EEPD1: variants seen among roughly 807,000 people sequenced by gnomAD.
The protein encoded by EEPD1 is endonuclease/exonuclease/phosphatase family domain-containing protein 1.
Under a neutral mutation model 46.3 loss-of-function variants are expected in EEPD1, and 17 were observed. The observed-to-expected ratio is 0.37, with a 90% CI of 0.25 to 0.55. The LOEUF is 0.55. Ranked by LOEUF, EEPD1 falls within the 20% of genes least tolerant of loss-of-function variation. EEPD1 has a pLI of 0.83. For synonymous variants in EEPD1, 313 were observed against 315.6 expected (o/e 0.99, Z 0.09); for missense variants, 673 against 745.6 (o/e 0.90, Z 1.13).
chr7:36,235,648 C>CTGTCAA (rs1786419292), intron 2 of EEPD1, among the ~76,000 whole-genome samples: 1 of 152,244 alleles, frequency 6.6e-6, no homozygotes, highest in Non-Finnish European at 1.5e-5. Context: ...CAGTAGGGCG[C>CTGTCAA]TGTCAATGTT....
chr7:36,237,071 C>A (rs934125644), intron 2 of EEPD1, among the ~76,000 whole-genome samples: 1 of 152,162 alleles, frequency 6.6e-6, no homozygotes, highest in Non-Finnish European at 1.5e-5. Context: ...TCAGGGAGAC[C>A]ACCAACCCAC....
intron 2 of EEPD1, among the ~76,000 whole-genome samples, chr7:36,162,885 T>A (rs1442028651): frequency 6.6e-6 from 1 of 152,176 alleles, no homozygotes; most frequent in Non-Finnish European, 1.5e-5. Context: ...ATTGCCACAT[T>A]TAAGGTTGCA....
rs778899330 is a variant in EEPD1, at chr7:36,225,328, C to T, written c.879-13657C>T. On this transcript the variant is annotated intron_variant, in intron 2 of 7. Transcript: ENST00000242108. The surrounding 1 kb of genome is among the most constrained non-coding windows in gnomAD (Gnocchi z 4.2). The stretch of plus-strand genomic sequence containing the variant: ...AAGAAGAACAAGAGACAGGGTTATA[C>T]ATGTGGAAGATGGAACTGACCACCC... Among the ~76,000 whole-genome samples the T allele has an allele frequency of 5.7e-4, 86 of 152,168 alleles. No homozygotes were observed. The highest frequency in any genetic ancestry group is 1.0e-3 in the Non-Finnish European group (69 of 68,022).
At chr7:36,273,218 C>A (rs1340721761) in intron 3 of EEPD1, among the ~76,000 whole-genome samples, 1 of 152,026 alleles carries the variant, frequency 6.6e-6, no homozygotes, top group Non-Finnish European at 1.5e-5. Context: ...GGCTATGTTA[C>A]CTTTCTGAGC....
chr7:36,165,125 T>A (rs1281400116), intron 2 of EEPD1, among the ~76,000 whole-genome samples: 7 of 152,332 alleles, frequency 4.6e-5, no homozygotes, highest in African/African-American at 1.7e-4. Flanking sequence ...TCCTGGACCT[T>A]CACATTCTTT....
chr7:36,155,766 C>G (rs1362390821), intron 2 of EEPD1, among the ~76,000 whole-genome samples: 1 of 151,986 alleles, frequency 6.6e-6, no homozygotes, highest in Admixed American at 6.6e-5. Context: ...AAATTGTAGC[C>G]CAAAATGTGT....
Position 36,154,067 on chromosome 7 carries a change from G to C in EEPD1, c.-192-66G>C. 1 of 538,308 alleles carries C rather than the reference G, an allele frequency of 1.9e-6. No homozygotes were observed. Among genetic ancestry groups the C allele is most frequent in the Non-Finnish European group, 3.3e-6 (1 of 302,770 alleles). The allele number at this position is 538,308 out of a possible 1,614,324, so 33.3% of individuals were successfully genotyped here. ...CTCCTGGTTACTAACTCTAGCACTA[G>C]GTAGGGGGTGCTAATGCAAATTTCT... is the stretch of plus-strand genomic sequence containing the variant. On this transcript the variant is annotated intron_variant, in intron 1 of 7. Transcript: ENST00000242108. The surrounding 1 kb of genome is among the most constrained non-coding windows in gnomAD (Gnocchi z 4.2).
chr7:36,292,365 T>G (rs1787457885), intron 6 of EEPD1, among the ~76,000 whole-genome samples: 1 of 146,744 alleles, frequency 6.8e-6, no homozygotes, highest in African/African-American at 2.5e-5. Flanking sequence ...TTTTCTTTTC[T>G]TTTCTTTTGT....
At chr7:36,223,186 T>C (rs1233942697) in intron 2 of EEPD1, among the ~76,000 whole-genome samples, 2 of 143,700 alleles carry the variant, frequency 1.4e-5, no homozygotes, top group Non-Finnish European at 3.1e-5. Context: ...ATAAAAGTAA[T>C]AATAAGAAAT....
At chr7:36,247,840 G>C (rs1030004635) in intron 3 of EEPD1, among the ~76,000 whole-genome samples, 3 of 152,254 alleles carry the variant, frequency 2.0e-5, no homozygotes, top group Non-Finnish European at 4.4e-5. Flanking sequence ...CATAGGATCA[G>C]TCCTGGCCCA....
intron 4 of EEPD1, among the ~76,000 whole-genome samples, chr7:36,281,760 T>C (rs1354622340): frequency 2.0e-5 from 3 of 152,222 alleles, no homozygotes; most frequent in African/African-American, 7.2e-5. Flanking sequence ...TTCCCTCATA[T>C]TATTATTCAA....
intron 2 of EEPD1, among the ~76,000 whole-genome samples, chr7:36,184,063 G>A (rs1188123990): frequency 6.6e-6 from 1 of 151,996 alleles, no homozygotes; most frequent in Non-Finnish European, 1.5e-5. Context: ...TTTCTGCAAA[G>A]GCTCAGATAG....
At chr7:36,157,618 A>G (rs540371218) in intron 2 of EEPD1, among the ~76,000 whole-genome samples, 133 of 152,328 alleles carry the variant, frequency 8.7e-4, no homozygotes, top group African/African-American at 3.1e-3. Flanking sequence ...GGTGACCCGC[A>G]CCGTCACATT....
chr7:36,164,069 G>A (rs897763466), intron 2 of EEPD1, among the ~76,000 whole-genome samples: 2 of 152,086 alleles, frequency 1.3e-5, no homozygotes, highest in Non-Finnish European at 2.9e-5. Context: ...ACGAACATAT[G>A]TATTTGTCTT....
At chr7:36,189,264 GAAGT>G (rs1324376598) in intron 2 of EEPD1, among the ~76,000 whole-genome samples, 4 of 152,232 alleles carry the variant, frequency 2.6e-5, no homozygotes, top group Admixed American at 2.6e-4. Flanking sequence ...CCAATTTGCA[GAAGT>G]TTCGAGAGGA....
rs905050354 is a variant in EEPD1 at position 36,225,208 on chromosome 7, C to T, written c.879-13777C>T. Among the ~76,000 whole-genome samples the T allele has an allele frequency of 6.6e-6, 1 of 152,178 alleles. No individual in the cohort carries two copies. The highest frequency in any genetic ancestry group is 1.5e-5 in the Non-Finnish European group (1 of 68,024). The stretch of plus-strand genomic sequence containing the variant: ...CCAAGTTTGTGATAATTTGTTAGAA[C>T]AGCCACAGAAAACAACACAAATGCC... On this transcript the variant is annotated intron_variant, in intron 2 of 7. Coordinates refer to ENST00000242108, the MANE Select transcript of EEPD1 (RefSeq NM_030636.3). This position sits in a 1 kb window ranked among gnomAD's most constrained non-coding sequence, Gnocchi z 4.2.
chr7:36,165,284 C>G (rs71535850), intron 2 of EEPD1, among the ~76,000 whole-genome samples: 1 of 152,034 alleles, frequency 6.6e-6, no homozygotes, highest in Non-Finnish European at 1.5e-5. Context: ...TTGCAATTGT[C>G]TACAGTCTTC....
chr7:36,255,559 G>C (rs746258654), intron 3 of EEPD1, among the ~76,000 whole-genome samples: 9 of 152,196 alleles, frequency 5.9e-5, no homozygotes, highest in Non-Finnish European at 1.2e-4. Context: ...AGTCTTGGGA[G>C]AGTGTATGTG....
chr7:36,234,703 C>T (rs1415950080), intron 2 of EEPD1, among the ~76,000 whole-genome samples: 1 of 151,938 alleles, frequency 6.6e-6, no homozygotes, highest in Non-Finnish European at 1.5e-5. Flanking sequence ...TTGTCTAATC[C>T]CTTTGGAGGG....
Sources: allele counts gnomAD v4.1 joint callset (sites outside exome capture counted in the v4.1 genomes callset), GRCh38; gene constraint gnomAD v4.1.1; non-coding constraint Gnocchi (gnomAD v3.1); transcripts MANE v1.5; gene names NCBI Gene and HGNC (gene_info 2026-07-23, HGNC 2026-07-21).